The following ZHX3 variants were observed in gnomAD, a reference collection of about 807,000 sequenced individuals.
ZHX3 encodes zinc fingers and homeoboxes 3, also known as zinc fingers and homeoboxes protein 3.
ZHX3 carries 20 observed loss-of-function variants against 64.5 expected under a neutral mutation model. The observed-to-expected ratio is 0.31, with a 90% CI of 0.22 to 0.45. The LOEUF (loss-of-function observed/expected upper bound fraction) is 0.45, where lower values mean the gene tolerates loss of function less well. Among genes scored for constraint, ZHX3 ranks in the 20% least tolerant of loss-of-function variants. The probability of loss-of-function intolerance (pLI) is 1.00; values close to 1 mark genes in which losing one functional copy is unlikely to be tolerated. For synonymous variants in ZHX3, 423 were observed against 461.6 expected, an observed-to-expected ratio of 0.92 and a Z score of 1.07; for missense variants, 1,041 against 1,195.8, an observed-to-expected ratio of 0.87 and a Z score of 1.91.
At position 41,291,726 on chromosome 20, in the gene ZHX3, A is replaced by C. The variant is rs545449554; in HGVS notation, c.-244-22643T>G. Among the ~76,000 whole-genome samples, 3 of 152,234 alleles carry C rather than the reference A, an allele frequency of 2.0e-5. No homozygotes were observed. In the South Asian group the frequency reaches 6.2e-4, roughly 32 times the overall value. Reference sequence around the variant, plus strand: ...TATGTATATATTCAAAACCTACAAAAGTTTTTGTATGGGCCATCAATTAAA... The same window carrying C: ...TATGTATATATTCAAAACCTACAAACGTTTTTGTATGGGCCATCAATTAAA... On this transcript the variant is annotated intron_variant, in intron 1 of 3. Coordinates refer to ENST00000683867, the MANE Select transcript of ZHX3 (RefSeq NM_001384317.1).
chr20:41,190,172 G>A (rs774794768), intron 3 of ZHX3, among the ~76,000 whole-genome samples: 18 of 152,092 alleles, frequency 1.2e-4, no homozygotes, highest in South Asian at 2.1e-4. Context: ...ACAGAGTTTC[G>A]CTCTTGTAGC....
chr20:41,313,000 G>T (rs2045185954), intron 1 of ZHX3, among the ~76,000 whole-genome samples: 1 of 152,160 alleles, frequency 6.6e-6, no homozygotes, highest in Admixed American at 6.5e-5. Context: ...AGAGAGGTGG[G>T]TAGGTGAATT....
intron 3 of ZHX3, among the ~76,000 whole-genome samples, chr20:41,199,648 C>G (rs1163994091): frequency 6.6e-6 from 1 of 151,778 alleles, no homozygotes; most frequent in Non-Finnish European, 1.5e-5. Flanking sequence ...CAATGATCAG[C>G]CTCTGCACTG....
At chr20:41,310,238 A>G (rs949525248) in intron 1 of ZHX3, among the ~76,000 whole-genome samples, 9 of 151,898 alleles carry the variant, frequency 5.9e-5, no homozygotes, top group East Asian at 1.9e-4. Context: ...CAGTTAATCC[A>G]TGGTCCTATC....
chr20:41,240,391 T>C (rs1315379432), intron 2 of ZHX3, among the ~76,000 whole-genome samples: 5 of 152,178 alleles, frequency 3.3e-5, no homozygotes, highest in Non-Finnish European at 5.9e-5. Flanking sequence ...TTAGAACCCC[T>C]TTTTTAATGT....
intron 2 of ZHX3, among the ~76,000 whole-genome samples, chr20:41,214,157 T>C (rs2039356709): frequency 2.0e-5 from 3 of 152,164 alleles, no homozygotes; most frequent in Admixed American, 6.5e-5. Flanking sequence ...CTGCTAACCA[T>C]GTTCTGGGTA....
chr20:41,206,258 G>T (rs902905242), intron 2 of ZHX3, among the ~76,000 whole-genome samples: 30 of 152,214 alleles, frequency 2.0e-4, no homozygotes, highest in African/African-American at 6.5e-4. Context: ...CCAAAGGAAC[G>T]CAGCTCCTCA....
chr20:41,218,960 C>T (rs373361336), intron 2 of ZHX3, among the ~76,000 whole-genome samples: 37 of 133,794 alleles, frequency 2.8e-4, no homozygotes, highest in African/African-American at 8.3e-4. Context: ...GACGGAGTCT[C>T]GCTCTGTCGC....
Position 41,302,053 on chromosome 20 carries a change from CAAAAAAAAAAAAAAA to C in ZHX3, c.-245+15441_-245+15455del, listed in dbSNP as rs555883542. Among the ~76,000 whole-genome samples the C allele has an allele frequency of 8.3e-3, 516 of 62,386 alleles. 10 individuals are homozygous for C. Among genetic ancestry groups the C allele is most frequent in the East Asian group, 0.036 (74 of 2,080 alleles). The allele number at this position is 62,386 out of a possible 152,430, so 40.9% of individuals were successfully genotyped here. A position where few individuals can be genotyped will look rare whatever the true frequency, so the allele number is the denominator to read the frequency against. On this transcript the variant is annotated intron_variant, in intron 1 of 3. Coordinates refer to ENST00000683867, the MANE Select transcript of ZHX3 (RefSeq NM_001384317.1). Reference sequence around the variant, plus strand: ...TGGGCGACGGAGCGAGACTCCATCTCAAAAAAAAAAAAAAAAAAAAAAAAAAAAAGGAACAGGCCA... The same window carrying C: ...TGGGCGACGGAGCGAGACTCCATCTCAAAAAAAAAAAAAAGGAACAGGCCA...
At chr20:41,243,596 G>C (rs752680184) in intron 2 of ZHX3, among the ~76,000 whole-genome samples, 15 of 152,100 alleles carry the variant, frequency 9.9e-5, no homozygotes, top group Non-Finnish European at 1.8e-4. Context: ...ATACCAGACT[G>C]AATCTCCTGA....
chr20:41,311,898 G>A (rs1022365873), intron 1 of ZHX3, among the ~76,000 whole-genome samples: 3 of 152,198 alleles, frequency 2.0e-5, no homozygotes, highest in African/African-American at 7.2e-5. Flanking sequence ...AATGTTCTGA[G>A]GCCCTACACC....
intron 1 of ZHX3, among the ~76,000 whole-genome samples, chr20:41,279,313 C>A (rs1013451501): frequency 6.6e-6 from 1 of 152,080 alleles, no homozygotes. Context: ...TAATCCTCAC[C>A]CCTTATATAC....
intron 1 of ZHX3, among the ~76,000 whole-genome samples, chr20:41,309,900 T>A (rs942304959): frequency 9.9e-5 from 15 of 152,188 alleles, no homozygotes; most frequent in Non-Finnish European, 2.1e-4. Context: ...GTCACTTATA[T>A]CTGTAGCAAA....
intron 2 of ZHX3, among the ~76,000 whole-genome samples, chr20:41,248,549 A>C (rs2041827430): frequency 6.6e-6 from 1 of 152,172 alleles, no homozygotes; most frequent in African/African-American, 2.4e-5. Flanking sequence ...TCCTGTTTAA[A>C]ATGTTAAAAT....
At chr20:41,282,836 GA>G (rs2043757787) in intron 1 of ZHX3, among the ~76,000 whole-genome samples, 1 of 152,214 alleles carries the variant, frequency 6.6e-6, no homozygotes, top group Non-Finnish European at 1.5e-5. Flanking sequence ...TGATCAGCTA[GA>G]GACTGGTACA....
intron 1 of ZHX3, among the ~76,000 whole-genome samples, chr20:41,298,137 G>T (rs78514888): frequency 0.071 from 10,719 of 151,986 alleles, 407 homozygotes; most frequent in Middle Eastern, 0.17. Flanking sequence ...CAAGAGAAAG[G>T]AACTGTACAC....
At position 41,185,332 on chromosome 20, in the gene ZHX3, G is replaced by T; in HGVS notation, c.2861-131C>A. ...CTCTTAATTCCATGAGCAATGAATG[G>T]CCTTCTGCCACCCACTCCCCCACCC... On this transcript the variant is annotated intron_variant, in intron 3 of 3. Coordinates refer to ENST00000683867, the MANE Select transcript of ZHX3 (RefSeq NM_001384317.1). This position sits in a 1 kb window ranked among gnomAD's most constrained non-coding sequence, Gnocchi z 5.0. 9.0e-7 allele frequency: 1 copy of T among 1,111,224 alleles called. No individual in the cohort carries two copies. The highest frequency in any genetic ancestry group is 1.3e-6 in the Non-Finnish European group (1 of 784,912). 68.8% of individuals were successfully genotyped at this position (1,111,224 alleles called of 1,614,324 possible).
intron 3 of ZHX3, among the ~76,000 whole-genome samples, chr20:41,191,657 G>C (rs904252675): frequency 6.6e-6 from 1 of 152,200 alleles, no homozygotes. Flanking sequence ...CATTTGTAAG[G>C]GAGGACTTTT....
chr20:41,306,553 T>A (rs1430180269), intron 1 of ZHX3, among the ~76,000 whole-genome samples: 1 of 152,270 alleles, frequency 6.6e-6, no homozygotes, highest in East Asian at 1.9e-4. Context: ...ATGTCTGATT[T>A]GCTCTCCATT....
Sources: gnomAD v4.1 joint callset for allele counts (sites outside exome capture counted in the v4.1 genomes callset) on GRCh38, gnomAD v4.1.1 for gene constraint, Gnocchi (gnomAD v3.1) non-coding constraint, MANE v1.5 for transcripts, NCBI Gene and HGNC (gene_info 2026-07-23, HGNC 2026-07-21) for gene names.